Variants in FSTL5 observed in about 807,000 individuals in gnomAD.
FSTL5 encodes the protein follistatin like 5, also known as follistatin-related protein 5.
FSTL5 carries 62 observed loss-of-function variants against 89.1 expected under a neutral mutation model. The ratio of observed to expected loss-of-function variants is 0.70; its 90% CI spans 0.57 to 0.86. FSTL5 has a LOEUF of 0.86. Among genes scored for constraint, FSTL5 ranks in the 40% least tolerant of loss-of-function variants. FSTL5 has a pLI of 0.00. For synonymous variants in FSTL5, 383 were observed against 346.2 expected, an observed-to-expected ratio of 1.11 and a Z score of -1.18; for missense variants, 1,057 against 1,001.6, an observed-to-expected ratio of 1.06 and a Z score of -0.75.
intron 3 of FSTL5, among the ~76,000 whole-genome samples, chr4:162,033,408 T>C (rs1162947813): frequency 6.6e-6 from 1 of 152,118 alleles, no homozygotes; most frequent in African/African-American, 2.4e-5. Context: ...GTTGACGTTT[T>C]CAAGAGCACA....
chr4:161,566,596 C>T (rs975955659), intron 8 of FSTL5, among the ~76,000 whole-genome samples: 13 of 152,066 alleles, frequency 8.5e-5, no homozygotes, highest in Admixed American at 2.0e-4. Flanking sequence ...ATTCCTGTCT[C>T]TGCAGCCTTG....
intron 10 of FSTL5, among the ~76,000 whole-genome samples, chr4:161,516,759 AAT>A (rs1730857263): frequency 7.6e-6 from 1 of 130,870 alleles, no homozygotes; most frequent in East Asian, 2.2e-4. Context: ...ACACACACAC[AAT>A]TTTTTTTTCC....
intron 7 of FSTL5, among the ~76,000 whole-genome samples, chr4:161,649,900 T>C (rs1020875602): frequency 2.0e-5 from 3 of 152,208 alleles, no homozygotes; most frequent in African/African-American, 4.8e-5. Context: ...GAATATAGTT[T>C]GATGGCTGGA....
chr4:161,714,563 G>T (rs1435349236), intron 6 of FSTL5, among the ~76,000 whole-genome samples: 1 of 152,124 alleles, frequency 6.6e-6, no homozygotes, highest in East Asian at 1.9e-4. Context: ...CTCTAAGCTG[G>T]ATTTGCTGTG....
intron 1 of FSTL5, among the ~76,000 whole-genome samples, chr4:162,112,303 T>C (rs973573271): frequency 1.3e-5 from 2 of 152,202 alleles, no homozygotes; most frequent in Non-Finnish European, 2.9e-5. Context: ...AGCGACAGGG[T>C]CTCACTTTGT....
rs896235646 is a variant in FSTL5, at chr4:162,034,831, C to CA, written c.127-1174dup. ...AATTTGAGAATAAAATGCATAATGA[C>CA]AAATGTGTATTTATTGAATCAGCTA... On this transcript the variant is annotated intron_variant, in intron 2 of 15. Coordinates refer to ENST00000306100, the MANE Select transcript of FSTL5 (RefSeq NM_020116.5). Among the ~76,000 whole-genome samples, 34 of 152,216 alleles carry CA rather than the reference C, an allele frequency of 2.2e-4. No homozygotes were observed. In the East Asian group the frequency reaches 2.7e-3, roughly 12 times the overall value.
intron 7 of FSTL5, among the ~76,000 whole-genome samples, chr4:161,605,213 G>T (rs923514772): frequency 6.6e-6 from 1 of 152,070 alleles, no homozygotes; most frequent in Non-Finnish European, 1.5e-5. Context: ...TTTTCAATTT[G>T]TGAAAATTCA....
chr4:161,621,342 A>G (rs1219660915), intron 7 of FSTL5, among the ~76,000 whole-genome samples: 1 of 151,978 alleles, frequency 6.6e-6, no homozygotes, highest in Admixed American at 6.6e-5. Flanking sequence ...ATCAATTACA[A>G]GTGAAGTTAG....
At chr4:161,675,147 C>G (rs1235624807) in intron 6 of FSTL5, among the ~76,000 whole-genome samples, 2 of 152,060 alleles carry the variant, frequency 1.3e-5, no homozygotes, top group East Asian at 1.9e-4. Context: ...TCAATAAAAA[C>G]TAAAAAACGT....
At chr4:161,666,815 A>G (rs1736911650) in intron 6 of FSTL5, among the ~76,000 whole-genome samples, 1 of 149,398 alleles carries the variant, frequency 6.7e-6, no homozygotes, top group South Asian at 2.1e-4. Context: ...GAAAGTAATT[A>G]GGAGAACTTA....
intron 4 of FSTL5, among the ~76,000 whole-genome samples, chr4:161,807,228 C>T (rs938676582): frequency 2.1e-5 from 3 of 140,452 alleles, no homozygotes; most frequent in East Asian, 2.2e-4. Context: ...CACACACACA[C>T]ATATATATTT....
At chr4:161,967,615 T>G (rs1735365695) in intron 3 of FSTL5, among the ~76,000 whole-genome samples, 2 of 151,984 alleles carry the variant, frequency 1.3e-5, no homozygotes. Context: ...AACCTATCTT[T>G]TTTGTTATAT....
intron 15 of FSTL5, among the ~76,000 whole-genome samples, chr4:161,434,511 C>T (rs182230809): frequency 5.6e-4 from 85 of 151,964 alleles, no homozygotes; most frequent in Non-Finnish European, 8.5e-4. Flanking sequence ...GCAAGTTGGA[C>T]TAGGCAAAGA....
At chr4:161,929,904 G>T (rs1162430703) in intron 3 of FSTL5, among the ~76,000 whole-genome samples, 1 of 151,578 alleles carries the variant, frequency 6.6e-6, no homozygotes, top group Non-Finnish European at 1.5e-5. Flanking sequence ...ACTAAATGAT[G>T]TCTCATTTTT....
chr4:161,894,333 G>T (rs1733085092), intron 4 of FSTL5, among the ~76,000 whole-genome samples: 1 of 152,028 alleles, frequency 6.6e-6, no homozygotes, highest in African/African-American at 2.4e-5. Flanking sequence ...TTTAGTTCAT[G>T]CTCACATGAC....
chr4:161,576,510 A>C (rs2126593175), intron 8 of FSTL5, among the ~76,000 whole-genome samples: 1 of 152,318 alleles, frequency 6.6e-6, no homozygotes, highest in African/African-American at 2.4e-5. Flanking sequence ...CCTCAGAAAT[A>C]ACACTACACA....
At chr4:162,058,028 G>C (rs1738603734) in intron 2 of FSTL5, among the ~76,000 whole-genome samples, 2 of 152,138 alleles carry the variant, frequency 1.3e-5, no homozygotes, top group Admixed American at 6.6e-5. Context: ...CTGAAGGATA[G>C]TGTAATATGT....
chr4:161,934,413 G>A (rs1230218912), intron 3 of FSTL5, among the ~76,000 whole-genome samples: 1 of 152,026 alleles, frequency 6.6e-6, no homozygotes, highest in Non-Finnish European at 1.5e-5. Context: ...TAGAAAGAAG[G>A]TTGGGAAGTA....
intron 8 of FSTL5, among the ~76,000 whole-genome samples, chr4:161,566,530 A>G (rs1275882049): frequency 6.6e-6 from 1 of 150,774 alleles, no homozygotes; most frequent in Non-Finnish European, 1.5e-5. Flanking sequence ...AGAAATCGCC[A>G]AACTGTTCTC....
Sources: gnomAD v4.1 joint callset for allele counts (sites outside exome capture counted in the v4.1 genomes callset) on GRCh38, gnomAD v4.1.1 for gene constraint, MANE v1.5 for transcripts, NCBI Gene and HGNC (gene_info 2026-07-23, HGNC 2026-07-21) for gene names.